AGAP1: variants seen among roughly 807,000 people sequenced by gnomAD.
AGAP1 encodes arf-GAP with GTPase, ANK repeat and PH domain-containing protein 1.
A neutral mutation model predicts 105.3 loss-of-function variants in AGAP1; 29 were observed. The ratio of observed to expected loss-of-function variants is 0.28; its 90% CI spans 0.21 to 0.38. The LOEUF (loss-of-function observed/expected upper bound fraction) is 0.38, where lower values mean the gene tolerates loss of function less well. AGAP1 is among the 10% of genes least tolerant of loss of function. AGAP1 has a pLI of 1.00. For synonymous variants in AGAP1, 509 were observed against 485.9 expected (o/e 1.05, Z -0.63); for missense variants, 998 against 1,165.1 (o/e 0.86, Z 2.09).
At chr2:235,595,832 GA>G (rs1406336286) in intron 1 of AGAP1, among the ~76,000 whole-genome samples, 3 of 152,182 alleles carry the variant, frequency 2.0e-5, no homozygotes, top group African/African-American at 7.2e-5. Context: ...TGAAAATTAA[GA>G]AAAATTATAC....
chr2:235,548,140 C>G (rs1943687830), intron 1 of AGAP1, among the ~76,000 whole-genome samples: 1 of 152,224 alleles, frequency 6.6e-6, no homozygotes, highest in Non-Finnish European at 1.5e-5. Context: ...TCTGCTGTTC[C>G]TGTCCTAGGG....
At position 235,801,190 on chromosome 2, in the gene AGAP1, G is replaced by A. The variant is rs1957478110; in HGVS notation, c.957+1668G>A. ...TGGGCAGCAGGGTGAGGACTGATCAGACAGACCAAGCTCCCATCCCGGCCT... is the reference window on the plus strand; with the variant it reads ...TGGGCAGCAGGGTGAGGACTGATCAAACAGACCAAGCTCCCATCCCGGCCT... On this transcript the variant is annotated intron_variant, in intron 8 of 17. Transcript: ENST00000304032. The surrounding 1 kb of genome is among the most constrained non-coding windows in gnomAD (Gnocchi z 6.0). 1.3e-5 allele frequency among the ~76,000 whole-genome samples: 2 copies of A among 152,138 alleles called. No individual in the cohort carries two copies. The highest frequency in any genetic ancestry group is 2.4e-5 in the African/African-American group (1 of 41,436).
rs1259674643 is a variant in AGAP1 at position 235,557,166 on chromosome 2, G to A, written c.163+62317G>A. ...CCTGCTTGCTTCCATAGCAGAGCCTGTGGGACGTGAACCACCATTCATGAT... is the reference window on the plus strand; with the variant it reads ...CCTGCTTGCTTCCATAGCAGAGCCTATGGGACGTGAACCACCATTCATGAT... On this transcript the variant is annotated intron_variant, in intron 1 of 17. Coordinates refer to ENST00000304032, the MANE Select transcript of AGAP1 (RefSeq NM_001037131.3). The surrounding 1 kb of genome is among the most constrained non-coding windows in gnomAD (Gnocchi z 4.7). 2.0e-5 allele frequency among the ~76,000 whole-genome samples: 3 copies of A among 152,010 alleles called. No homozygotes were observed. Among genetic ancestry groups the A allele is most frequent in the Non-Finnish European group, 4.4e-5 (3 of 68,008 alleles).
chr2:235,834,334 C>A (rs1014384016), intron 9 of AGAP1, among the ~76,000 whole-genome samples: 1 of 152,190 alleles, frequency 6.6e-6, no homozygotes, highest in Non-Finnish European at 1.5e-5. Context: ...TCAGACAGAA[C>A]ATGGGGACAA....
intron 1 of AGAP1, among the ~76,000 whole-genome samples, chr2:235,564,488 G>C (rs181461861): frequency 6.6e-6 from 1 of 152,188 alleles, no homozygotes; most frequent in Non-Finnish European, 1.5e-5. Flanking sequence ...ATATCTTCAA[G>C]TGCTACTCCT....
chr2:235,959,175 T>G lies in AGAP1; in HGVS notation c.1484-9287T>G, dbSNP rs1009504810. On this transcript the variant is annotated intron_variant, in intron 12 of 17. Transcript: ENST00000304032. This position sits in a 1 kb window ranked among gnomAD's most constrained non-coding sequence, Gnocchi z 7.3. ...CCATACTTAACGCCGTCGACAGTAGTCGTCTGTCCCGGTGCCCGGTAATTG... is the reference window on the plus strand; with the variant it reads ...CCATACTTAACGCCGTCGACAGTAGGCGTCTGTCCCGGTGCCCGGTAATTG... Among the ~76,000 whole-genome samples the G allele has an allele frequency of 7.2e-5, 11 of 152,168 alleles. No individual in the cohort carries two copies. Among genetic ancestry groups the G allele is most frequent in the South Asian group, 6.2e-4 (3 of 4,822 alleles).
chr2:235,569,974 C>T lies in AGAP1; in HGVS notation c.163+75125C>T, dbSNP rs149419852. On this transcript the variant is annotated intron_variant, in intron 1 of 17. Transcript: ENST00000304032. This position sits in a 1 kb window ranked among gnomAD's most constrained non-coding sequence, Gnocchi z 5.9. ...TAAGGAAAACATGGTGTGACTGGCC[C>T]GGGATCCAAATTATTTGCAGCGCCT... Among the ~76,000 whole-genome samples, 30 of 152,286 alleles carry T rather than the reference C, an allele frequency of 2.0e-4. No individual in the cohort carries two copies. Among genetic ancestry groups the T allele is most frequent in the Middle Eastern group, 6.8e-3 (2 of 294 alleles).
chr2:235,711,918 C>G (rs1277692358), intron 2 of AGAP1, among the ~76,000 whole-genome samples: 1 of 152,142 alleles, frequency 6.6e-6, no homozygotes, highest in Non-Finnish European at 1.5e-5. Context: ...CCAATAGGCC[C>G]TTTATGTAAC....
chr2:236,108,965 C>T (rs1477215583), intron 16 of AGAP1, among the ~76,000 whole-genome samples: 2 of 152,182 alleles, frequency 1.3e-5, no homozygotes, highest in African/African-American at 2.4e-5. Flanking sequence ...ACCCATTAAC[C>T]TTATTACCCC....
rs2050090200 is a variant in AGAP1 at position 235,882,707 on chromosome 2, T to C, written c.1051-638T>C. ...CCAGGCTGGCCTCAAACTCCTGACCTCAGGTGATCTGCCCACCTCGGCCTC... is the reference window on the plus strand; with the variant it reads ...CCAGGCTGGCCTCAAACTCCTGACCCCAGGTGATCTGCCCACCTCGGCCTC... On this transcript the variant is annotated intron_variant, in intron 9 of 17. Coordinates refer to ENST00000304032, the MANE Select transcript of AGAP1 (RefSeq NM_001037131.3). The surrounding 1 kb of genome is among the most constrained non-coding windows in gnomAD (Gnocchi z 4.6). Among the ~76,000 whole-genome samples, 1 of 152,216 alleles carries C rather than the reference T, an allele frequency of 6.6e-6. No homozygotes were observed. The highest frequency in any genetic ancestry group is 6.5e-5 in the Admixed American group (1 of 15,286).
rs548486758 is a variant in AGAP1, at chr2:235,563,282, C to T, written c.163+68433C>T. Among the ~76,000 whole-genome samples, 31 of 152,206 alleles carry T rather than the reference C, an allele frequency of 2.0e-4. No homozygotes were observed. In the South Asian group the frequency reaches 3.7e-3, roughly 18 times the overall value. ...GCACTTCATTTCTTTCCGTCCTGCCCCCCTTTGCTGTGTCTGGTCCTTTTA... is the reference window on the plus strand; with the variant it reads ...GCACTTCATTTCTTTCCGTCCTGCCTCCCTTTGCTGTGTCTGGTCCTTTTA... On this transcript the variant is annotated intron_variant, in intron 1 of 17. Transcript: ENST00000304032.
intron 1 of AGAP1, among the ~76,000 whole-genome samples, chr2:235,647,252 T>C (rs1441203068): frequency 6.6e-6 from 1 of 152,206 alleles, no homozygotes; most frequent in African/African-American, 2.4e-5. Context: ...TTTGTAATTA[T>C]CATCTTAACA....
chr2:235,803,356 C>T (rs1286395708), intron 8 of AGAP1, among the ~76,000 whole-genome samples: 1 of 152,088 alleles, frequency 6.6e-6, no homozygotes, highest in African/African-American at 2.4e-5. Flanking sequence ...TTATCATGAC[C>T]AGTTTTCTTC....
At position 235,535,447 on chromosome 2, in the gene AGAP1, C is replaced by A. The variant is rs945760071; in HGVS notation, c.163+40598C>A. Among the ~76,000 whole-genome samples the A allele has an allele frequency of 6.6e-6, 1 of 151,476 alleles. No homozygotes were observed. The highest frequency in any genetic ancestry group is 2.4e-5 in the African/African-American group (1 of 41,260). ...AACTTCACTGCCCTTTTTCTTTTTCCCATCGAGGTGCAGGAGGAATTGATC... is the reference window on the plus strand; with the variant it reads ...AACTTCACTGCCCTTTTTCTTTTTCACATCGAGGTGCAGGAGGAATTGATC... On this transcript the variant is annotated intron_variant, in intron 1 of 17. Transcript: ENST00000304032. The surrounding 1 kb of genome is among the most constrained non-coding windows in gnomAD (Gnocchi z 5.1).
chr2:235,587,910 A>C (rs536209754), intron 1 of AGAP1, among the ~76,000 whole-genome samples: 3 of 151,896 alleles, frequency 2.0e-5, no homozygotes, highest in Non-Finnish European at 4.4e-5. Context: ...CATGAACGGA[A>C]GGGAAGTCAT....
chr2:235,744,821 G>C lies in AGAP1; in HGVS notation c.520G>C (p.Val174Leu). 3 of 1,614,016 alleles carry C rather than the reference G, an allele frequency of 1.9e-6. 1 individual carries two copies. Among genetic ancestry groups the C allele is most frequent in the South Asian group, 2.2e-5 (2 of 91,088 alleles). ...TCGGAACACGAGCGAGATTCCTCTG[G>C]TTCTGGTGGGAACCCAGGGTGAGTG... ...NYRNTSEIPLVLVGTQDAISS... is the reference protein window; with the variant it reads ...NYRNTSEIPLLLVGTQDAISS... Residue 174 changes from valine (V) to leucine (L), a missense_variant, in exon 5 of 18, where the codon GTT becomes CTT. By Grantham distance (32) the Val-to-Leu change is conservative. This residue lies in a region of AGAP1 where 735 missense variants were observed against 833.4 expected (regional missense o/e 0.88). Coordinates refer to ENST00000304032, the MANE Select transcript of AGAP1 (RefSeq NM_001037131.3). The surrounding 1 kb of genome is among the most constrained non-coding windows in gnomAD (Gnocchi z 5.2).
At chr2:236,117,434 G>C (rs992100343) in intron 16 of AGAP1, among the ~76,000 whole-genome samples, 1 of 152,184 alleles carries the variant, frequency 6.6e-6, no homozygotes, top group Non-Finnish European at 1.5e-5. Flanking sequence ...AGCAGTTCCC[G>C]GGGAGAACAT....
intron 6 of AGAP1, 113 bp from the exon 7 acceptor site, chr2:235,797,646 T>C: frequency 3.6e-6 from 5 of 1,372,728 alleles, no homozygotes; most frequent in Non-Finnish European, 4.0e-6. Flanking sequence ...AGGAATGCTA[T>C]TACTGCGAAA....
At chr2:235,636,903 G>A (rs1947021013) in intron 1 of AGAP1, among the ~76,000 whole-genome samples, 1 of 152,154 alleles carries the variant, frequency 6.6e-6, no homozygotes, top group African/African-American at 2.4e-5. Flanking sequence ...CAAGGCTGCG[G>A]TAATGCTTCT....
Sources: gnomAD v4.1 joint callset for allele counts (sites outside exome capture counted in the v4.1 genomes callset) on GRCh38, gnomAD v4.1.1 for gene constraint, gnomAD v4.1.1 regional missense constraint, Gnocchi (gnomAD v3.1) non-coding constraint, MANE v1.5 for transcripts, NCBI Gene and HGNC (gene_info 2026-07-23, HGNC 2026-07-21) for gene names.